PALM2AKAP2: variants seen among roughly 807,000 people sequenced by gnomAD.
PALM2AKAP2 encodes PALM2 and AKAP2 fusion.
Under a neutral mutation model 71.5 loss-of-function variants are expected in PALM2AKAP2, and 37 were observed. The observed-to-expected ratio is 0.52, with a 90% CI of 0.40 to 0.68. The LOEUF (loss-of-function observed/expected upper bound fraction) is 0.68. PALM2AKAP2 is among the 30% of genes least tolerant of loss of function. PALM2AKAP2 has a pLI of 0.00. For missense variants in PALM2AKAP2, 1,224 were observed against 1,191.8 expected (o/e 1.03, Z -0.40); for synonymous variants, 468 against 478.8 (o/e 0.98, Z 0.29).
At chr9:109,714,688 G>A (rs902500414) in intron 1 of PALM2AKAP2, among the ~76,000 whole-genome samples, 21 of 152,274 alleles carry the variant, frequency 1.4e-4, no homozygotes, top group East Asian at 3.9e-4. Context: ...AGTAGAGGAT[G>A]CTGTGGTTCG....
intron 1 of PALM2AKAP2, among the ~76,000 whole-genome samples, chr9:109,741,004 A>G (rs1587890072): frequency 6.6e-6 from 1 of 152,192 alleles, no homozygotes; most frequent in Admixed American, 6.5e-5. Context: ...TATGATTTAC[A>G]TCCAAGGAAA....
intron 1 of PALM2AKAP2, among the ~76,000 whole-genome samples, chr9:109,821,503 T>TATCCATTC (rs1828005043): frequency 2.0e-5 from 3 of 152,206 alleles, no homozygotes; most frequent in Admixed American, 2.0e-4. Flanking sequence ...GTCCATGGTG[T>TATCCATTC]ATCCATTCAT....
intron 3 of PALM2AKAP2, among the ~76,000 whole-genome samples, chr9:109,911,850 A>AGAGG (rs35238930): frequency 0.34 from 52,029 of 151,698 alleles, 9,470 homozygotes; most frequent in East Asian, 0.68. Flanking sequence ...CACTTGGGAG[A>AGAGG]AGGTATAGAT....
chr9:109,799,282 G>A (rs1358329619), intron 1 of PALM2AKAP2, among the ~76,000 whole-genome samples: 2 of 152,210 alleles, frequency 1.3e-5, no homozygotes, highest in African/African-American at 4.8e-5. Context: ...AGAAGACCAG[G>A]TGTTCCAAGT....
intron 1 of PALM2AKAP2, among the ~76,000 whole-genome samples, chr9:109,726,568 A>G (rs1396101545): frequency 6.6e-6 from 1 of 152,216 alleles, no homozygotes; most frequent in Admixed American, 6.5e-5. Context: ...CTTAAATTAA[A>G]TGTTTGCTTT....
chr9:109,684,442 A>G (rs1827780167), intron 1 of PALM2AKAP2, among the ~76,000 whole-genome samples: 1 of 152,202 alleles, frequency 6.6e-6, no homozygotes, highest in Admixed American at 6.5e-5. Context: ...GGTTCAGGTA[A>G]CACACCTCAT....
chr9:109,791,206 A>G (rs1479687346), intron 1 of PALM2AKAP2, among the ~76,000 whole-genome samples: 2 of 152,212 alleles, frequency 1.3e-5, no homozygotes, highest in Non-Finnish European at 2.9e-5. Flanking sequence ...TGGAGTGAGA[A>G]TGATATATGT....
intron 1 of PALM2AKAP2, among the ~76,000 whole-genome samples, chr9:109,641,393 G>T (rs1249597982): frequency 6.6e-6 from 1 of 152,218 alleles, no homozygotes; most frequent in African/African-American, 2.4e-5. Flanking sequence ...CAAAAGAATT[G>T]ATTTGTTCCT....
At chr9:109,789,145 G>A (rs1269181806) in intron 1 of PALM2AKAP2, among the ~76,000 whole-genome samples, 1 of 152,140 alleles carries the variant, frequency 6.6e-6, no homozygotes, top group Non-Finnish European at 1.5e-5. Flanking sequence ...ATTCCCTTGG[G>A]GAGGCCTTAG....
intron 1 of PALM2AKAP2, among the ~76,000 whole-genome samples, chr9:109,643,311 G>C (rs1325862796): frequency 6.6e-6 from 1 of 152,232 alleles, no homozygotes; most frequent in East Asian, 1.9e-4. Context: ...TCCTTTACAA[G>C]AGACTGAACA....
At chr9:109,753,048 C>T (rs1042781297) in intron 1 of PALM2AKAP2, among the ~76,000 whole-genome samples, 14 of 152,192 alleles carry the variant, frequency 9.2e-5, no homozygotes, top group African/African-American at 2.2e-4. Context: ...CATAGTGTCC[C>T]GCTTCCTCAA....
intron 1 of PALM2AKAP2, among the ~76,000 whole-genome samples, chr9:109,682,375 T>C (rs544459044): frequency 6.6e-6 from 1 of 152,340 alleles, no homozygotes; most frequent in African/African-American, 2.4e-5. Context: ...CACTAGGTAA[T>C]CATACAGTTG....
chr9:109,958,452 A>G (rs1042210481), intron 6 of PALM2AKAP2, among the ~76,000 whole-genome samples: 9 of 152,206 alleles, frequency 5.9e-5, no homozygotes, highest in African/African-American at 2.2e-4. Flanking sequence ...ACTTAGAGGA[A>G]GTCATTTTTC....
At chr9:109,953,890 G>A (rs574264725) in intron 6 of PALM2AKAP2, among the ~76,000 whole-genome samples, 1 of 151,056 alleles carries the variant, frequency 6.6e-6, no homozygotes, top group East Asian at 2.0e-4. Context: ...CCCTGAGACT[G>A]GAGACAAAAA....
intron 1 of PALM2AKAP2, among the ~76,000 whole-genome samples, chr9:109,752,162 C>T (rs747386543): frequency 1.3e-5 from 2 of 151,902 alleles, no homozygotes; most frequent in Non-Finnish European, 2.9e-5. Flanking sequence ...AATTTTAGTG[C>T]GGTAACTTAT....
At chr9:109,962,336 T>C (rs764823376) in intron 6 of PALM2AKAP2, among the ~76,000 whole-genome samples, 6 of 152,176 alleles carry the variant, frequency 3.9e-5, no homozygotes, top group Non-Finnish European at 8.8e-5. Context: ...CCCCTAAGAA[T>C]GGTATGAAGT....
chr9:109,675,063 A>G (rs923403472), intron 1 of PALM2AKAP2, among the ~76,000 whole-genome samples: 7 of 152,112 alleles, frequency 4.6e-5, no homozygotes, highest in Non-Finnish European at 1.0e-4. Context: ...AGGCTAATGT[A>G]AGTATTCTGA....
intron 1 of PALM2AKAP2, among the ~76,000 whole-genome samples, chr9:110,130,144 G>A (rs1205880042): frequency 6.6e-6 from 1 of 152,186 alleles, no homozygotes; most frequent in Non-Finnish European, 1.5e-5. Flanking sequence ...AAACCTCAGT[G>A]TAAAATGGCT....
chr9:109,733,206 TG>T (rs1420602520), intron 1 of PALM2AKAP2, among the ~76,000 whole-genome samples: 3 of 152,180 alleles, frequency 2.0e-5, no homozygotes, highest in Non-Finnish European at 4.4e-5. Flanking sequence ...GGAAAGGGGT[TG>T]AGGGAAAAAT....
Sources: allele counts gnomAD v4.1 joint callset (sites outside exome capture counted in the v4.1 genomes callset), GRCh38; gene constraint gnomAD v4.1.1; transcripts MANE v1.5; gene names NCBI Gene and HGNC (gene_info 2026-07-23, HGNC 2026-07-21).